CDH13: variants seen among roughly 807,000 people sequenced by gnomAD.
CDH13 encodes the protein cadherin 13, also known as cadherin-13.
In CDH13, 24 loss-of-function variants were observed where a neutral mutation model predicts 63.8. That is an observed-to-expected ratio of 0.38 (90% CI 0.27 to 0.53). The LOEUF is 0.53. Among genes scored for constraint, CDH13 ranks in the 20% least tolerant of loss-of-function variants. The pLI is 0.85. For synonymous variants in CDH13, 503 were observed against 355.3 expected, an observed-to-expected ratio of 1.42 and a Z score of -4.67; for missense variants, 1,049 against 903.1, an observed-to-expected ratio of 1.16 and a Z score of -2.07.
At chr16:83,187,205 A>G (rs8052938) in intron 4 of CDH13, among the ~76,000 whole-genome samples, 12,746 of 152,196 alleles carry the variant, frequency 0.084, 617 homozygotes, top group African/African-American at 0.12. Flanking sequence ...TCCTGGCCTC[A>G]GGTGATCCAC....
intron 10 of CDH13, among the ~76,000 whole-genome samples, chr16:83,716,670 G>A (rs549517932): frequency 6.6e-6 from 1 of 152,076 alleles, no homozygotes; most frequent in South Asian, 2.1e-4. Flanking sequence ...TTTTAGTAGA[G>A]ATGGGGTTTC....
At chr16:83,526,507 C>A (rs1432356395) in intron 7 of CDH13, among the ~76,000 whole-genome samples, 1 of 152,138 alleles carries the variant, frequency 6.6e-6, no homozygotes, top group Non-Finnish European at 1.5e-5. Context: ...AGGTTTTGCA[C>A]TCCTATCAGG....
At chr16:83,067,602 T>G (rs1381939855) in intron 3 of CDH13, among the ~76,000 whole-genome samples, 1 of 152,208 alleles carries the variant, frequency 6.6e-6, no homozygotes, top group Non-Finnish European at 1.5e-5. Context: ...CCTCACTGAA[T>G]ATTTAACTTT....
intron 2 of CDH13, among the ~76,000 whole-genome samples, chr16:82,939,512 A>G (rs1441486758): frequency 6.6e-6 from 1 of 152,146 alleles, no homozygotes; most frequent in Non-Finnish European, 1.5e-5. Flanking sequence ...GCCTGTTGAC[A>G]GAACAATGAA....
intron 2 of CDH13, among the ~76,000 whole-genome samples, chr16:83,021,551 C>G (rs925196821): frequency 4.6e-5 from 7 of 152,156 alleles, no homozygotes; most frequent in Non-Finnish European, 8.8e-5. Context: ...CAAGAGGAAG[C>G]CCTTAAGGGT....
intron 3 of CDH13, among the ~76,000 whole-genome samples, chr16:83,063,802 A>G (rs2031782496): frequency 6.6e-6 from 1 of 152,186 alleles, no homozygotes; most frequent in African/African-American, 2.4e-5. Flanking sequence ...GGAGGCTCCA[A>G]GGAGCATTTG....
chr16:83,339,628 A>G (rs979611574), intron 5 of CDH13, among the ~76,000 whole-genome samples: 1 of 152,130 alleles, frequency 6.6e-6, no homozygotes, highest in African/African-American at 2.4e-5. Flanking sequence ...AGCAGGATTC[A>G]GTATCAGGTC....
chr16:83,198,322 TACACACAC>T (rs10547222), intron 4 of CDH13, among the ~76,000 whole-genome samples: 18 of 144,620 alleles, frequency 1.2e-4, no homozygotes, highest in East Asian at 6.2e-4. Context: ...CACACACATG[TACACACAC>T]ACACACACAC....
intron 2 of CDH13, among the ~76,000 whole-genome samples, chr16:82,963,089 G>A (rs1409074849): frequency 3.9e-5 from 6 of 152,100 alleles, no homozygotes; most frequent in Non-Finnish European, 5.9e-5. Context: ...TAAAGAAACA[G>A]GCCAGGTGTG....
intron 6 of CDH13, among the ~76,000 whole-genome samples, chr16:83,484,271 A>G (rs1019398200): frequency 3.3e-5 from 5 of 152,214 alleles, no homozygotes; most frequent in Middle Eastern, 3.2e-3. Context: ...GATGAATTCT[A>G]TCTTTCCTTT....
At chr16:82,728,357 A>G (rs528944064) in intron 1 of CDH13, among the ~76,000 whole-genome samples, 27 of 152,102 alleles carry the variant, frequency 1.8e-4, no homozygotes, top group Non-Finnish European at 3.7e-4. Flanking sequence ...CTCCCCAGCG[A>G]CACGGTACAG....
intron 1 of CDH13, among the ~76,000 whole-genome samples, chr16:82,686,413 G>C (rs1915075418): frequency 6.6e-6 from 1 of 152,180 alleles, no homozygotes; most frequent in African/African-American, 2.4e-5. Flanking sequence ...TTGGGTGCCA[G>C]CTTCCCTTGT....
intron 1 of CDH13, among the ~76,000 whole-genome samples, chr16:82,807,380 A>T (rs12928782): frequency 1.3e-5 from 2 of 152,114 alleles, no homozygotes; most frequent in Non-Finnish European, 2.9e-5. Context: ...TCTCTTTGGC[A>T]GTTTGGGCGG....
chr16:82,846,391 A>T (rs985711603), intron 1 of CDH13, among the ~76,000 whole-genome samples: 2 of 152,118 alleles, frequency 1.3e-5, no homozygotes, highest in Non-Finnish European at 2.9e-5. Flanking sequence ...AATATAAATA[A>T]TAACTAGCAC....
intron 6 of CDH13, among the ~76,000 whole-genome samples, chr16:83,474,910 GT>G (rs1252950836): frequency 4.6e-5 from 7 of 152,180 alleles, no homozygotes; most frequent in Admixed American, 4.6e-4. Flanking sequence ...CAGTGAGCCG[GT>G]GCAGTTCTGG....
At chr16:82,994,442 G>T (rs960067506) in intron 2 of CDH13, among the ~76,000 whole-genome samples, 16 of 152,112 alleles carry the variant, frequency 1.1e-4, no homozygotes, top group Non-Finnish European at 1.8e-4. Context: ...TCTGCTCTTG[G>T]CCTAGGGCTT....
chr16:83,542,713 C>T (rs1330641741), intron 7 of CDH13, among the ~76,000 whole-genome samples: 1 of 152,124 alleles, frequency 6.6e-6, no homozygotes, highest in African/African-American at 2.4e-5. Context: ...CAGAAGCATC[C>T]ACCACTCCAG....
At chr16:83,456,298 C>T (rs954781704) in intron 6 of CDH13, among the ~76,000 whole-genome samples, 2 of 152,200 alleles carry the variant, frequency 1.3e-5, no homozygotes, top group African/African-American at 2.4e-5. Flanking sequence ...GGACCAGGGC[C>T]AACGACCTAG....
intron 4 of CDH13, among the ~76,000 whole-genome samples, chr16:83,153,684 T>C (rs1416446612): frequency 6.6e-6 from 1 of 152,164 alleles, no homozygotes; most frequent in Non-Finnish European, 1.5e-5. Flanking sequence ...TTCAATCCTA[T>C]AAGACCAACA....
Sources: gnomAD v4.1 joint callset for allele counts (sites outside exome capture counted in the v4.1 genomes callset) on GRCh38, gnomAD v4.1.1 for gene constraint, MANE v1.5 for transcripts, NCBI Gene and HGNC (gene_info 2026-07-23, HGNC 2026-07-21) for gene names.